AACS: variants seen among roughly 807,000 people sequenced by gnomAD.
AACS encodes the protein acetoacetyl-CoA synthetase, also known as acetoacetate-CoA ligase.
In AACS, 69 loss-of-function variants were observed where a neutral mutation model predicts 83.1. The ratio of observed to expected loss-of-function variants is 0.83; its 90% CI spans 0.68 to 1.01. The LOEUF (loss-of-function observed/expected upper bound fraction) is 1.01. Ranked by LOEUF, AACS falls within the 50% of genes least tolerant of loss-of-function variation. The pLI is 0.00. For synonymous variants in AACS, 333 were observed against 343.4 expected (o/e 0.97, Z 0.33); for missense variants, 866 against 882.2 (o/e 0.98, Z 0.23).
chr12:125,089,647 A>G (rs753817271), intron 4 of AACS, among the ~76,000 whole-genome samples: 1 of 151,504 alleles, frequency 6.6e-6, no homozygotes, highest in Non-Finnish European at 1.5e-5. Flanking sequence ...TCTCCTCTCT[A>G]TCCATCCAAC....
intron 3 of AACS, among the ~76,000 whole-genome samples, chr12:125,077,643 T>C (rs1405020424): frequency 1.3e-5 from 2 of 152,002 alleles, no homozygotes. Context: ...ATTCTAATCA[T>C]GGAAATAAGG....
intron 16 of AACS, among the ~76,000 whole-genome samples, chr12:125,135,294 C>T (rs1018363420): frequency 1.1e-4 from 16 of 152,086 alleles, no homozygotes; most frequent in Non-Finnish European, 1.9e-4. Context: ...GGGGTTTCAC[C>T]GTGTTGGCCA....
At chr12:125,083,260 C>A (rs1956245105) in intron 3 of AACS, among the ~76,000 whole-genome samples, 1 of 152,214 alleles carries the variant, frequency 6.6e-6, no homozygotes, top group Non-Finnish European at 1.5e-5. Flanking sequence ...CTGCCTCCTC[C>A]AGAGGCTTCC....
intron 2 of AACS, among the ~76,000 whole-genome samples, chr12:125,074,624 C>T (rs181651899): frequency 6.6e-6 from 1 of 150,408 alleles, no homozygotes; most frequent in East Asian, 1.9e-4. Flanking sequence ...TTAAACTGTA[C>T]ACTTCAGTGA....
chr12:125,103,478 C>T (rs934971061), intron 7 of AACS, among the ~76,000 whole-genome samples: 2 of 152,112 alleles, frequency 1.3e-5, no homozygotes, highest in Non-Finnish European at 1.5e-5. Flanking sequence ...TACACGTGTA[C>T]ACATGCATGT....
intron 7 of AACS, among the ~76,000 whole-genome samples, chr12:125,103,452 A>T (rs982831573): frequency 1.0e-5 from 1 of 95,348 alleles, no homozygotes; most frequent in Non-Finnish European, 2.1e-5. Context: ...CATGCACACG[A>T]CAAGGCACAC....
At chr12:125,132,855 G>A (rs562142032) in intron 14 of AACS, among the ~76,000 whole-genome samples, 2 of 152,176 alleles carry the variant, frequency 1.3e-5, no homozygotes, top group East Asian at 1.9e-4. Context: ...ACATAAATGC[G>A]TGAGTAGACT....
At chr12:125,125,145 AGTCCC>A in intron 12 of AACS, 121 bp downstream of exon 12, 1 of 1,436,162 alleles carries the variant, frequency 7.0e-7, no homozygotes, top group Non-Finnish European at 9.5e-7. Context: ...CAATACGCAC[AGTCCC>A]TTCTCATGAT....
At chr12:125,135,589 G>C (rs549708274) in intron 16 of AACS, among the ~76,000 whole-genome samples, 1 of 152,294 alleles carries the variant, frequency 6.6e-6, no homozygotes, top group African/African-American at 2.4e-5. Flanking sequence ...CCAGGCCGCA[G>C]AGTTGGTCAG....
At chr12:125,132,299 G>T (rs1311965927) in intron 14 of AACS, among the ~76,000 whole-genome samples, 1 of 152,136 alleles carries the variant, frequency 6.6e-6, no homozygotes, top group Non-Finnish European at 1.5e-5. Context: ...CTTTTTCTCT[G>T]CATTTCCGGG....
At chr12:125,088,081 C>T (rs988961205) in intron 4 of AACS, among the ~76,000 whole-genome samples, 11 of 152,222 alleles carry the variant, frequency 7.2e-5, no homozygotes, top group East Asian at 3.9e-4. Flanking sequence ...TGTTTGTGTG[C>T]GTGTGTTCTC....
intron 10 of AACS, chr12:125,124,438 G>A (rs1056753097): frequency 9.9e-6 from 5 of 504,558 alleles, no homozygotes; most frequent in Non-Finnish European, 1.4e-5. Context: ...TAATGGGTTC[G>A]GGTGAGCGAC....
intron 8 of AACS, among the ~76,000 whole-genome samples, chr12:125,111,593 A>G (rs1178421253): frequency 6.6e-6 from 1 of 152,178 alleles, no homozygotes; most frequent in Non-Finnish European, 1.5e-5. Flanking sequence ...TATCTTGACT[A>G]CAAACTTGAA....
intron 10 of AACS, chr12:125,121,527 G>T (rs1320766950): frequency 3.3e-5 from 5 of 152,184 alleles, no homozygotes; most frequent in Non-Finnish European, 7.3e-5. Flanking sequence ...TGACACATTC[G>T]ATCAAAGAGC....
Position 125,136,827 on chromosome 12 carries a change from A to G in AACS, c.1844A>G (p.His615Arg), listed in dbSNP as rs968572765. 5 of 1,613,682 alleles carry G rather than the reference A, an allele frequency of 3.1e-6. No individual in the cohort carries two copies. The highest frequency in any genetic ancestry group is 4.2e-6 in the Non-Finnish European group (5 of 1,180,028). The part of the protein sequence containing the change: ...DAIRMGLSAR[H>R]VPSLILETKG... ...ATCCGCATGGGCTTGTCTGCGCGAC[A>G]CGTGCCCAGCCTCATCCTGGAAACC... is the stretch of plus-strand genomic sequence containing the variant. The change falls in exon 17 of 18, where the codon CAC (histidine) becomes CGC (arginine). Residue 615 changes from histidine (H) to arginine (R), a missense_variant. By Grantham distance (29) the His-to-Arg change is conservative. Coordinates refer to ENST00000316519, the MANE Select transcript of AACS (RefSeq NM_023928.5).
chr12:125,142,011 TG>T (rs1957503890), intron 17 of AACS, 80 bp from the exon 18 acceptor site: 4 of 1,561,248 alleles, frequency 2.6e-6, no homozygotes, highest in Admixed American at 1.8e-5. Flanking sequence ...GCTGGGCCTT[TG>T]GGGCCTGGAT....
chr12:125,111,628 G>A (rs1956954431), intron 8 of AACS, among the ~76,000 whole-genome samples: 1 of 152,174 alleles, frequency 6.6e-6, no homozygotes, highest in Non-Finnish European at 1.5e-5. Flanking sequence ...ATAGGCCAGA[G>A]TCCTAGGGCT....
intron 5 of AACS, chr12:125,102,472 ATTT>A: frequency 2.2e-6 from 1 of 446,756 alleles, no homozygotes; most frequent in Non-Finnish European, 4.1e-6. Flanking sequence ...GGTTTTTGCC[ATTT>A]TTTTTTTTAG....
At chr12:125,093,066 G>A (rs1428629746) in intron 5 of AACS, among the ~76,000 whole-genome samples, 1 of 152,180 alleles carries the variant, frequency 6.6e-6, no homozygotes, top group Non-Finnish European at 1.5e-5. Context: ...CAGGAGCCAC[G>A]TTTGTGTGGA....
Sources: gnomAD v4.1 joint callset for allele counts (sites outside exome capture counted in the v4.1 genomes callset) on GRCh38, gnomAD v4.1.1 for gene constraint, MANE v1.5 for transcripts, NCBI Gene and HGNC (gene_info 2026-07-23, HGNC 2026-07-21) for gene names.